PPHLN1: variants seen among roughly 807,000 people sequenced by gnomAD.
PPHLN1 encodes periphilin 1.
PPHLN1 carries 29 observed loss-of-function variants against 51.3 expected under a neutral mutation model. That is an observed-to-expected ratio of 0.57 (90% confidence interval 0.42 to 0.77). PPHLN1 has a LOEUF of 0.77. Among genes scored for constraint, PPHLN1 ranks in the 30% least tolerant of loss-of-function variants. PPHLN1 has a pLI of 0.00. For missense variants in PPHLN1, 436 were observed against 438.4 expected (o/e 0.99, Z 0.05); for synonymous variants, 147 against 147.8 (o/e 0.99, Z 0.04).
At chr12:42,444,156 A>C (rs1056636463), downstream of PPHLN1, 2 of 152,140 alleles carry the variant, frequency 1.3e-5, no homozygotes, top group Non-Finnish European at 2.9e-5. Context: ...AAAAGTACAG[A>C]TGTCCTCACC....
At chr12:42,403,270 A>G (rs932319412) in intron 9 of PPHLN1, among the ~76,000 whole-genome samples, 2 of 152,202 alleles carry the variant, frequency 1.3e-5, no homozygotes, top group African/African-American at 4.8e-5. Context: ...TTAACAATCC[A>G]TTATTACCAA....
intron 9 of PPHLN1, chr12:42,432,989 T>TTATGTGCATTTTCATTAGC: frequency 2.1e-6 from 3 of 1,428,298 alleles, no homozygotes. Flanking sequence ...CTTAAAATCT[T>TTATGTGCATTTTCATTAGC]TATGTGCATT....
downstream of PPHLN1, chr12:42,446,675 C>T (rs1375049486): frequency 1.3e-6 from 2 of 1,565,286 alleles, no homozygotes; most frequent in Non-Finnish European, 1.7e-6. Context: ...ATCAACAAAA[C>T]CTGATGCAAA....
chr12:42,352,146 T>G (rs2073444011), intron 3 of PPHLN1, 97 bp downstream of exon 3: 2 of 1,103,486 alleles, frequency 1.8e-6, no homozygotes, highest in South Asian at 5.4e-5. Flanking sequence ...AGCAGTTGAA[T>G]AAACACTTTC....
At chr12:42,346,620 T>G (rs2072371290) in intron 2 of PPHLN1, among the ~76,000 whole-genome samples, 1 of 152,170 alleles carries the variant, frequency 6.6e-6, no homozygotes, top group African/African-American at 2.4e-5. Context: ...GAAGAGGGAT[T>G]ACTAGGTCAT....
rs1255144005 is a variant in PPHLN1, at chr12:42,432,237, C to G, written c.910-9078C>G. 1.3e-5 allele frequency: 10 copies of G among 783,324 alleles called. No individual in the cohort carries two copies. The Admixed American group carries it at 1.5e-4, about 12-fold the overall frequency. 48.5% of individuals were successfully genotyped at this position (783,324 alleles called of 1,614,324 possible). A position where few individuals can be genotyped will look rare whatever the true frequency, so the allele number is the denominator to read the frequency against. On this transcript the variant is annotated intron_variant, in intron 9 of 9. Coordinates refer to ENST00000358314, the MANE Select transcript of PPHLN1 (RefSeq NM_201439.2). ...GGGTTAGACAGCTTAGAATTTGTAC[C>G]ATAACTGGAGGTGTAATTAGGGCCC...
chr12:42,382,757 G>A (rs1456152245), intron 5 of PPHLN1, among the ~76,000 whole-genome samples: 1 of 152,160 alleles, frequency 6.6e-6, no homozygotes, highest in South Asian at 2.1e-4. Context: ...GAAGATGTAA[G>A]GGTGCAAACA....
intron 9 of PPHLN1, among the ~76,000 whole-genome samples, chr12:42,434,448 A>G (rs183063859): frequency 6.6e-6 from 1 of 152,350 alleles, no homozygotes; most frequent in East Asian, 1.9e-4. Context: ...ATTGAACCCA[A>G]GGAGGGGCTT....
intron 9 of PPHLN1, among the ~76,000 whole-genome samples, chr12:42,422,321 G>A (rs2081077602): frequency 6.6e-6 from 1 of 152,156 alleles, no homozygotes; most frequent in Admixed American, 6.5e-5. Context: ...ATGTGTATGA[G>A]GAGAAGAATG....
chr12:42,412,638 A>G (rs769856058), intron 9 of PPHLN1, among the ~76,000 whole-genome samples: 5 of 152,194 alleles, frequency 3.3e-5, no homozygotes, highest in Admixed American at 3.3e-4. Flanking sequence ...CTTTGGATAG[A>G]TATACAGTAG....
intron 2 of PPHLN1, among the ~76,000 whole-genome samples, chr12:42,344,629 G>T (rs192309923): frequency 1.2e-3 from 179 of 151,714 alleles, no homozygotes; most frequent in Non-Finnish European, 7.8e-4. Flanking sequence ...TGACATATTG[G>T]AAAAGAAATA....
chr12:42,393,447 A>AT (rs2077910330), intron 7 of PPHLN1, 123 bp from the exon 8 acceptor site: 1 of 916,618 alleles, frequency 1.1e-6, no homozygotes, highest in Non-Finnish European at 1.6e-6. Context: ...TAAAGAATGT[A>AT]CCTGTTCTCC....
rs370133956 is a variant in PPHLN1 at position 42,355,158 on chromosome 12, C to T, written c.238-3C>T. 3.7e-6 allele frequency: 6 copies of T among 1,612,888 alleles called. No homozygotes were observed. The highest frequency in any genetic ancestry group is 1.3e-5 in the African/African-American group (1 of 74,852). ...ATAGCTAAGTAGCTTTTTTATGTTA[C>T]AGGATGAATCTGGTTATAGATGGAC... On this transcript the variant is annotated splice_polypyrimidine_tract_variant and splice_region_variant and intron_variant, in intron 3 of 9. Transcript: ENST00000358314.
chr12:42,403,857 C>T (rs1218464598), intron 9 of PPHLN1, among the ~76,000 whole-genome samples: 2 of 152,100 alleles, frequency 1.3e-5, no homozygotes, highest in South Asian at 2.1e-4. Flanking sequence ...CACTCTCTAC[C>T]AGTGTTAGGT....
chr12:42,360,455 A>ATTTTTTTTTTTTT (rs1565821205), intron 4 of PPHLN1, among the ~76,000 whole-genome samples: 4 of 111,806 alleles, frequency 3.6e-5, no homozygotes, highest in Admixed American at 1.1e-4. Context: ...GTGATGCTGA[A>ATTTTTTTTTTTTT]TTCTTTTTTT....
At position 42,349,257 on chromosome 12, in the gene PPHLN1, C is replaced by T. The variant is rs201709077; in HGVS notation, c.73-2628C>T. On this transcript the variant is annotated intron_variant, in intron 2 of 9. Transcript: ENST00000358314. ...TGAGCACTTAGTGTGTGCCTGAACA[C>T]GGTACTAAACACTTTGCATTCCATT... Among the ~76,000 whole-genome samples, 8 of 152,274 alleles carry T rather than the reference C, an allele frequency of 5.3e-5. No individual in the cohort carries two copies. In the East Asian group the frequency reaches 7.7e-4, roughly 15 times the overall value.
downstream of PPHLN1, chr12:42,447,377 T>C (rs2083365689): frequency 6.6e-6 from 1 of 152,228 alleles, no homozygotes; most frequent in African/African-American, 2.4e-5. Flanking sequence ...CTTTTACGTT[T>C]TCTTGTCCTT....
chr12:42,427,781 C>G (rs2081629401), intron 9 of PPHLN1, among the ~76,000 whole-genome samples: 1 of 152,118 alleles, frequency 6.6e-6, no homozygotes, highest in Non-Finnish European at 1.5e-5. Flanking sequence ...AACTAAAGAG[C>G]TTTTACACAG....
chr12:42,373,558 G>A (rs998223196), intron 4 of PPHLN1, among the ~76,000 whole-genome samples: 1 of 152,174 alleles, frequency 6.6e-6, no homozygotes, highest in Non-Finnish European at 1.5e-5. Context: ...ATGTCTCTTA[G>A]CACTCTTCTG....
Sources: gnomAD v4.1 joint callset for allele counts (sites outside exome capture counted in the v4.1 genomes callset) on GRCh38, gnomAD v4.1.1 for gene constraint, MANE v1.5 for transcripts, NCBI Gene and HGNC (gene_info 2026-07-23, HGNC 2026-07-21) for gene names.